LRRC7: variants seen among roughly 807,000 people sequenced by gnomAD.
LRRC7 encodes the protein leucine rich repeat containing 7.
A neutral mutation model predicts 175.7 loss-of-function variants in LRRC7; 23 were observed. The ratio of observed to expected loss-of-function variants is 0.13; its 90% confidence interval spans 0.09 to 0.19. The LOEUF (loss-of-function observed/expected upper bound fraction) is 0.19. Among genes scored for constraint, LRRC7 ranks in the 10% least tolerant of loss-of-function variants. The pLI, the probability that LRRC7 is intolerant of heterozygous loss-of-function variation, is 1.00. For missense variants in LRRC7, 1,354 were observed against 1,904.7 expected (o/e 0.71, Z 5.38); for synonymous variants, 685 against 680.9 (o/e 1.01, Z -0.09).
At chr1:70,083,192 ATATT>A (rs1314417402) in intron 24 of LRRC7, among the ~76,000 whole-genome samples, 1 of 152,200 alleles carries the variant, frequency 6.6e-6, no homozygotes, top group African/African-American at 2.4e-5. Context: ...ATTTCAAAAA[ATATT>A]AATTATCCTT....
In LRRC7 at chr1:69,998,930, G is replaced by A. The variant is rs770257799; in HGVS notation, c.1004+4297G>A. ...GGATACATGTGTGCCTTGAGCTCCC[G>A]TCACATCCCAGAGTGAGTTCCTGCC... is the stretch of plus-strand genomic sequence containing the variant. On this transcript the variant is annotated intron_variant, in intron 11 of 26. Coordinates refer to ENST00000651989, the MANE Select transcript of LRRC7 (RefSeq NM_001370785.2). 5.9e-5 allele frequency among the ~76,000 whole-genome samples: 9 copies of A among 152,216 alleles called. No individual in the cohort carries two copies. The Middle Eastern group carries it at 0.01, about 173-fold the overall frequency.
intron 7 of LRRC7, among the ~76,000 whole-genome samples, chr1:69,840,719 G>A (rs1036354238): frequency 3.3e-5 from 5 of 151,974 alleles, no homozygotes; most frequent in African/African-American, 9.7e-5. Flanking sequence ...CATACATCAA[G>A]GAGTAATAAA....
In LRRC7 at chr1:69,920,200, TTGTAG is replaced by T. The variant is rs1489497208; in HGVS notation, c.648-11305_648-11301del. On this transcript the variant is annotated intron_variant, in intron 7 of 26. Transcript: ENST00000651989. ...GGCAGATGCGAGGGCCCAGAGTTGT[TTGTAG>T]TTAGGCCACGCTTCTCTGTTCAGTA... The T allele has an allele frequency of 8.4e-5, 14 of 165,710 alleles. No individual in the cohort carries two copies. In the East Asian group the frequency reaches 2.5e-3, roughly 29 times the overall value. The allele number at this position is 165,710 out of a possible 1,614,324, so 10.3% of individuals were successfully genotyped here. A position where few individuals can be genotyped will look rare whatever the true frequency, so the allele number is the denominator to read the frequency against.
chr1:69,987,682 A>C (rs540591192), intron 10 of LRRC7, among the ~76,000 whole-genome samples: 2 of 152,334 alleles, frequency 1.3e-5, no homozygotes, highest in African/African-American at 4.8e-5. Context: ...TAGGTAATCC[A>C]GTTGAAGATG....
chr1:70,027,052 C>A (rs528429754), intron 17 of LRRC7, among the ~76,000 whole-genome samples: 174 of 152,036 alleles, frequency 1.1e-3, no homozygotes, highest in Non-Finnish European at 1.7e-3. Context: ...TCTCCCTTTT[C>A]CGATCTTCCT....
At chr1:69,803,694 C>G (rs1425875094) in intron 4 of LRRC7, among the ~76,000 whole-genome samples, 1 of 151,262 alleles carries the variant, frequency 6.6e-6, no homozygotes, top group Non-Finnish European at 1.5e-5. Context: ...AATATCCTTT[C>G]TTTCTAATCC....
chr1:69,626,691 T>A (rs777881961), intron 1 of LRRC7, among the ~76,000 whole-genome samples: 57 of 150,394 alleles, frequency 3.8e-4, no homozygotes, highest in Non-Finnish European at 7.1e-4. Context: ...ATTAGGTATA[T>A]CTCCTAATGC....
chr1:69,834,651 A>T, intron 5 of LRRC7, 129 bp from the exon 6 acceptor site: 1 of 762,916 alleles, frequency 1.3e-6, no homozygotes, highest in Non-Finnish European at 2.2e-6. Flanking sequence ...TTCTTTCATT[A>T]CTGTAATACC....
chr1:69,768,140 T>A (rs947195059), intron 3 of LRRC7, among the ~76,000 whole-genome samples: 1 of 152,174 alleles, frequency 6.6e-6, no homozygotes, highest in Non-Finnish European at 1.5e-5. Context: ...CTTCAGTCAC[T>A]GGCCCATGAA....
At chr1:70,035,346 G>A (rs1264722959) in intron 18 of LRRC7, among the ~76,000 whole-genome samples, 1 of 152,054 alleles carries the variant, frequency 6.6e-6, no homozygotes. Context: ...TTTGAATTGT[G>A]GAAGTTTAAA....
At chr1:69,899,645 C>G (rs557360939) in intron 7 of LRRC7, among the ~76,000 whole-genome samples, 20 of 152,246 alleles carry the variant, frequency 1.3e-4, no homozygotes, top group African/African-American at 3.4e-4. Context: ...TCCAATAAAA[C>G]GATTGCTATG....
intron 14 of LRRC7, 131 bp from the exon 15 acceptor site, chr1:70,018,588 G>A (rs1657162416): frequency 3.8e-6 from 2 of 530,914 alleles, no homozygotes; most frequent in African/African-American, 3.9e-5. Flanking sequence ...ATTATTTCAT[G>A]TTGTAATTTC....
At chr1:70,083,358 T>G (rs1037380307) in intron 24 of LRRC7, among the ~76,000 whole-genome samples, 1 of 152,198 alleles carries the variant, frequency 6.6e-6, no homozygotes, top group African/African-American at 2.4e-5. Flanking sequence ...TGAAAAATTA[T>G]AATAGCTTAT....
chr1:70,017,078 G>C (rs1012646931), intron 14 of LRRC7, among the ~76,000 whole-genome samples: 1 of 152,088 alleles, frequency 6.6e-6, no homozygotes, highest in Non-Finnish European at 1.5e-5. Flanking sequence ...AGGAGTTCAA[G>C]ACCAGCCTGA....
At chr1:70,094,432 A>C (rs1245436163) in intron 25 of LRRC7, among the ~76,000 whole-genome samples, 1 of 152,186 alleles carries the variant, frequency 6.6e-6, no homozygotes, top group African/African-American at 2.4e-5. Context: ...TACAGGTAAA[A>C]TTCCAAGCCA....
At chr1:69,836,104 TGACAC>T (rs1312468010) in intron 6 of LRRC7, among the ~76,000 whole-genome samples, 1 of 152,056 alleles carries the variant, frequency 6.6e-6, no homozygotes, top group African/African-American at 2.4e-5. Context: ...AAGTATAGCT[TGACAC>T]CAATCTGTTG....
At chr1:69,763,648 G>T (rs560052296) in intron 3 of LRRC7, among the ~76,000 whole-genome samples, 15 of 152,028 alleles carry the variant, frequency 9.9e-5, no homozygotes, top group Admixed American at 7.2e-4. Context: ...GCACTATAAA[G>T]AAACTGCTAT....
intron 2 of LRRC7, among the ~76,000 whole-genome samples, chr1:69,708,982 G>A (rs1304471248): frequency 6.6e-6 from 1 of 152,118 alleles, no homozygotes; most frequent in Non-Finnish European, 1.5e-5. Flanking sequence ...ATAAGGGAGG[G>A]ATTAAATATT....
chr1:69,581,731 T>TATGC (rs1355490403), intron 1 of LRRC7, among the ~76,000 whole-genome samples: 1 of 152,198 alleles, frequency 6.6e-6, no homozygotes, highest in Non-Finnish European at 1.5e-5. Flanking sequence ...GAAAATTGGG[T>TATGC]ATGCATTAGA....
Sources: allele counts gnomAD v4.1 joint callset (sites outside exome capture counted in the v4.1 genomes callset), GRCh38; gene constraint gnomAD v4.1.1; transcripts MANE v1.5; gene names NCBI Gene and HGNC (gene_info 2026-07-23, HGNC 2026-07-21).